Variants in NID2 observed in about 807,000 individuals in gnomAD.
The protein encoded by NID2 is nidogen 2.
Under a neutral mutation model 145.4 loss-of-function variants are expected in NID2, and 83 were observed. The ratio of observed to expected loss-of-function variants is 0.57; its 90% CI spans 0.48 to 0.69. The LOEUF is 0.69. Among genes scored for constraint, NID2 ranks in the 30% least tolerant of loss-of-function variants. The pLI is 0.00. For missense variants in NID2, 1,807 were observed against 1,765.7 expected, an observed-to-expected ratio of 1.02 and a Z score of -0.42; for synonymous variants, 739 against 701.3, an observed-to-expected ratio of 1.05 and a Z score of -0.85.
intron 9 of NID2, among the ~76,000 whole-genome samples, chr14:52,031,852 T>G (rs1891882073): frequency 6.6e-6 from 1 of 152,234 alleles, no homozygotes; most frequent in African/African-American, 2.4e-5. Context: ...GACATGACCC[T>G]GTTGTTCTCC....
At chr14:52,035,733 C>T (rs567896396) in intron 9 of NID2, among the ~76,000 whole-genome samples, 2 of 151,842 alleles carry the variant, frequency 1.3e-5, no homozygotes, top group South Asian at 2.1e-4. Context: ...GGCTGGAATG[C>T]GATGGCACAA....
At chr14:52,034,140 G>A (rs578238815) in intron 9 of NID2, among the ~76,000 whole-genome samples, 258 of 152,256 alleles carry the variant, frequency 1.7e-3, no homozygotes, top group African/African-American at 6.0e-3. Context: ...ACTGGGGTGG[G>A]AGGGAAAATC....
At position 52,067,974 on chromosome 14, in the gene NID2, C is replaced by A. The variant is rs202088947; in HGVS notation, c.418G>T (p.Val140Leu). 1 of 1,611,254 alleles carries A rather than the reference C, an allele frequency of 6.2e-7. No homozygotes were observed. The highest frequency in any genetic ancestry group is 1.3e-5 in the African/African-American group (1 of 74,842). Residue 140 changes from valine to leucine, a missense_variant, in exon 2 of 22, where the codon GTG (valine) becomes TTG (leucine). By Grantham distance (32) the Val-to-Leu change is conservative. Transcript: ENST00000216286. ...GCAGAGCGCGGGAAGCCAGCGCGCA[C>A]ATAGCGGGCGGCCAGGCCCAGCACT... is the stretch of plus-strand genomic sequence containing the variant. ...PAVLGLAARY[V>L]RAGFPRSARF...
chr14:52,056,385 C>T (rs1892845929), intron 3 of NID2, among the ~76,000 whole-genome samples: 1 of 152,090 alleles, frequency 6.6e-6, no homozygotes, highest in African/African-American at 2.4e-5. Context: ...ATTTGGAAAG[C>T]TTAGTAATAG....
intron 20 of NID2, 40 bp downstream of exon 20, chr14:52,006,497 G>C: frequency 5.6e-6 from 9 of 1,611,584 alleles, no homozygotes; most frequent in East Asian, 2.2e-5. Flanking sequence ...CTCTGGAACA[G>C]TTGGCCTTTT....
At chr14:52,038,304 G>A (rs1419806281) in intron 9 of NID2, among the ~76,000 whole-genome samples, 1 of 152,138 alleles carries the variant, frequency 6.6e-6, no homozygotes, top group Non-Finnish European at 1.5e-5. Context: ...CTCCACCTTA[G>A]TTTTGGATGA....
intron 2 of NID2, among the ~76,000 whole-genome samples, chr14:52,064,452 C>T (rs184201586): frequency 1.3e-5 from 2 of 152,260 alleles, no homozygotes; most frequent in African/African-American, 4.8e-5. Flanking sequence ...AATGTGCTAG[C>T]TCAGGTCTCA....
At chr14:52,008,462 C>A (rs915264335) in intron 18 of NID2, 2 of 152,820 alleles carry the variant, frequency 1.3e-5, no homozygotes, top group Non-Finnish European at 2.9e-5. Context: ...GGATTCCTGA[C>A]TCACAGAAAC....
intron 20 of NID2, 113 bp from the exon 21 acceptor site, chr14:52,005,962 T>C (rs1323907925): frequency 1.4e-6 from 1 of 731,874 alleles, no homozygotes; most frequent in Non-Finnish European, 2.4e-6. Flanking sequence ...GCCTTCTCTG[T>C]CCCAGGGCTG....
In NID2 at chr14:52,007,871, A is replaced by G; in HGVS notation, c.3819T>C (p.Ile1273=). The G allele has an allele frequency of 1.2e-6, 2 of 1,613,972 alleles. No individual in the cohort carries two copies. The highest frequency in any genetic ancestry group is 1.7e-6 in the Non-Finnish European group (2 of 1,179,902). ...CAAAGGTTAAGCCATTGGGCAATCCAATGTCTGTATTGATCAGAATTCTTC... is the reference window on the plus strand; with the variant it reads ...CAAAGGTTAAGCCATTGGGCAATCCGATGTCTGTATTGATCAGAATTCTTC... ...ENRRILINTD[I]GLPNGLTFDP... The change falls in exon 19 of 22, where the codon ATT becomes ATC. Residue 1273 remains isoleucine, a synonymous_variant. Transcript: ENST00000216286.
At chr14:52,038,698 T>C in intron 9 of NID2, 49 bp downstream of exon 9, 1 of 1,409,340 alleles carries the variant, frequency 7.1e-7, no homozygotes, top group South Asian at 1.4e-5. Flanking sequence ...ATTCTAACTC[T>C]ACTTAAAAGG....
At chr14:52,031,370 C>T (rs912668343) in intron 9 of NID2, among the ~76,000 whole-genome samples, 1 of 152,178 alleles carries the variant, frequency 6.6e-6, no homozygotes, top group African/African-American at 2.4e-5. Flanking sequence ...GACTGCACTC[C>T]TTCTGCCTTC....
At chr14:52,058,893 A>C (rs11157873) in intron 3 of NID2, among the ~76,000 whole-genome samples, 26,156 of 151,606 alleles carry the variant, frequency 0.17, 3,072 homozygotes, top group East Asian at 0.51. Flanking sequence ...GAACCAGAGG[A>C]GGGAGAGTAA....
rs538613742 is a variant in NID2, at chr14:52,040,691, G to A, written c.1986C>T (p.His662=). The A allele has an allele frequency of 7.4e-6, 12 of 1,614,150 alleles. No individual in the cohort carries two copies. The African/African-American group carries it at 1.5e-4, about 20-fold the overall frequency. Residue 662 remains histidine, a synonymous_variant, in exon 8 of 22, where the codon CAC becomes CAT. Coordinates refer to ENST00000216286, the MANE Select transcript of NID2 (RefSeq NM_007361.4). ...GGTACAGCTCCTTGTAGGGAGAGATGTGGGCTGTGAAATTTGCTGAGACGT... is the reference window on the plus strand; with the variant it reads ...GGTACAGCTCCTTGTAGGGAGAGATATGGGCTGTGAAATTTGCTGAGACGT... ...VPYVSANFTA[H]ISPYKELYHY...
intron 5 of NID2, among the ~76,000 whole-genome samples, chr14:52,044,838 G>A (rs1006217604): frequency 8.6e-5 from 13 of 151,608 alleles, no homozygotes; most frequent in East Asian, 3.9e-4. Context: ...GGTTGGTCTC[G>A]GTCTCGAACT....
rs1411393591 is a variant in NID2, at chr14:52,027,226, A to G, written c.2649T>C (p.Tyr883=). Residue 883 remains tyrosine (Y), a synonymous_variant, in exon 12 of 22, where the codon TAT becomes TAC. Coordinates refer to ENST00000216286, the MANE Select transcript of NID2 (RefSeq NM_007361.4). ...CAGTGCACTGGTGCCCATCGCCGGC[A>G]TAACCAGGCAGGCAGGCACAGCTGA... ...STFSCACLPG[Y]AGDGHQCTDV... 5 of 1,568,212 alleles carry G rather than the reference A, an allele frequency of 3.2e-6. No homozygotes were observed. Among genetic ancestry groups the G allele is most frequent in the Non-Finnish European group, 4.3e-6 (5 of 1,158,526 alleles).
At chr14:52,034,367 T>C (rs1891982624) in intron 9 of NID2, among the ~76,000 whole-genome samples, 1 of 152,202 alleles carries the variant, frequency 6.6e-6, no homozygotes, top group African/African-American at 2.4e-5. Context: ...AGGGCTGACC[T>C]GGACATTTAA....
At chr14:52,014,151 C>T (rs1891128092) in intron 16 of NID2, 136 bp downstream of exon 16, 8 of 1,103,866 alleles carry the variant, frequency 7.2e-6, no homozygotes, top group Middle Eastern at 2.2e-4. Flanking sequence ...GCATCGGGCC[C>T]ATGCCGATGG....
chr14:52,024,334 G>A (rs1891505638), intron 12 of NID2, among the ~76,000 whole-genome samples: 1 of 152,188 alleles, frequency 6.6e-6, no homozygotes, highest in South Asian at 2.1e-4. Context: ...GACTTTCTCT[G>A]GCATTAATAA....
Sources: allele counts gnomAD v4.1 joint callset (sites outside exome capture counted in the v4.1 genomes callset), GRCh38; gene constraint gnomAD v4.1.1; transcripts MANE v1.5; gene names NCBI Gene and HGNC (gene_info 2026-07-23, HGNC 2026-07-21).